KIF14: variants seen among roughly 807,000 people sequenced by gnomAD.
KIF14 encodes kinesin family member 14.
A neutral mutation model predicts 176.2 loss-of-function variants in KIF14; 98 were observed. That is an observed-to-expected ratio of 0.56 (90% CI 0.47 to 0.66). The LOEUF (loss-of-function observed/expected upper bound fraction) is 0.66, where lower values mean the gene tolerates loss of function less well. Among genes scored for constraint, KIF14 ranks in the 30% least tolerant of loss-of-function variants. The pLI, the probability that KIF14 is intolerant of heterozygous loss-of-function variation, is 0.00. For missense variants in KIF14, 1,751 were observed against 1,920.4 expected (o/e 0.91, Z 1.65); for synonymous variants, 566 against 632.2 (o/e 0.90, Z 1.57).
At chr1:200,567,449 G>T (rs1657526865) in intron 23 of KIF14, among the ~76,000 whole-genome samples, 1 of 150,432 alleles carries the variant, frequency 6.6e-6, no homozygotes, top group Admixed American at 6.7e-5. Context: ...GGAGGTTGAG[G>T]CAGGAGAATG....
rs1300094733 is a variant in KIF14 at position 200,581,211 on chromosome 1, C to T, written c.3325G>A (p.Val1109Ile). ...AISSKLKTYYVFGRHDISDKS... is the reference protein window; with the variant it reads ...AISSKLKTYYIFGRHDISDKS... The stretch of plus-strand genomic sequence containing the variant: ...TAATTAATTACTCACCTGCCAAAAA[C>T]ATAGTATGTTTTCAATTTGCTGCTG... The change falls in exon 20 of 30, where the codon GTT becomes ATT. Residue 1109 changes from valine (V) to isoleucine (I), a missense_variant. Val to Ile is a conservative substitution (Grantham distance 29, BLOSUM62 3). Transcript: ENST00000367350. The T allele has an allele frequency of 6.4e-7, 1 of 1,554,950 alleles. No individual in the cohort carries two copies.
intron 17 of KIF14, among the ~76,000 whole-genome samples, chr1:200,589,877 TC>T (rs1444480129): frequency 6.6e-6 from 1 of 151,986 alleles, no homozygotes; most frequent in Admixed American, 6.6e-5. Flanking sequence ...GGTCTTGAAC[TC>T]CTGGGCTCAA....
Position 200,565,081 on chromosome 1 carries a change from C to T in KIF14, c.4059G>A (p.Gln1353=). Residue 1353 remains glutamine, a synonymous_variant, in exon 25 of 30, where the codon CAG becomes CAA. Transcript: ENST00000367350. The part of the protein sequence containing the change: ...QEVKKLGGYL[Q]LFLQGCCLDI... ...CAAATCAATTTACCTGCAAAAATAACTGTAAGTAGCCTCCCAGTTTTTTAA... is the reference window on the plus strand; with the variant it reads ...CAAATCAATTTACCTGCAAAAATAATTGTAAGTAGCCTCCCAGTTTTTTAA... The T allele has an allele frequency of 6.2e-7, 1 of 1,606,640 alleles. No individual in the cohort carries two copies. Among genetic ancestry groups the T allele is most frequent in the East Asian group, 2.2e-5 (1 of 44,814 alleles).
chr1:200,610,572 A>C (rs1339001183), intron 4 of KIF14, among the ~76,000 whole-genome samples: 1 of 152,026 alleles, frequency 6.6e-6, no homozygotes, highest in Admixed American at 6.6e-5. Flanking sequence ...TTTCTTCTTA[A>C]CTTCTGCATA....
At chr1:200,607,016 C>T (rs990984497) in intron 5 of KIF14, among the ~76,000 whole-genome samples, 3 of 147,316 alleles carry the variant, frequency 2.0e-5, no homozygotes, top group African/African-American at 7.6e-5. Flanking sequence ...CAATATGCAA[C>T]AATATATTGT....
chr1:200,581,760 C>CTTTTTTTTTTTTTTTTT (rs1558064089), intron 19 of KIF14, among the ~76,000 whole-genome samples: 1 of 102,406 alleles, frequency 9.8e-6, no homozygotes, highest in Non-Finnish European at 1.9e-5. Flanking sequence ...ATTTCACTTT[C>CTTTTTTTTTTTTTTTTT]CTTTTTTTTT....
At chr1:200,576,504 G>A (rs914737745) in intron 21 of KIF14, among the ~76,000 whole-genome samples, 3 of 150,352 alleles carry the variant, frequency 2.0e-5, no homozygotes, top group African/African-American at 7.3e-5. Context: ...AAAGTAGGAG[G>A]TAAGTTAAAC....
chr1:200,589,199 G>T lies in KIF14; in HGVS notation c.3114+18C>A. ...CTTTTTCTCAGAATAGAGTTAACTG[G>T]TTACACAATAAAATTACCTGTTTTG... On this transcript the variant is annotated intron_variant, in intron 18 of 29. Coordinates refer to ENST00000367350, the MANE Select transcript of KIF14 (RefSeq NM_014875.3). 1 of 1,581,186 alleles carries T rather than the reference G, an allele frequency of 6.3e-7. No individual in the cohort carries two copies.
Position 200,590,195 on chromosome 1 carries a change from A to C in KIF14, c.2891T>G (p.Met964Arg). The C allele has an allele frequency of 1.2e-6, 2 of 1,613,750 alleles. No individual in the cohort carries two copies. The highest frequency in any genetic ancestry group is 1.7e-6 in the Non-Finnish European group (2 of 1,179,912). The change falls in exon 17 of 30, where the codon ATG becomes AGG. Residue 964 changes from methionine to arginine, a missense_variant. Met to Arg is a moderately conservative substitution (Grantham distance 91, BLOSUM62 -1). Coordinates refer to ENST00000367350, the MANE Select transcript of KIF14 (RefSeq NM_014875.3). ...TTGAGAAGAAAGCTCTTGCTGAGCC[A>C]TTTCTTTTGCAATCTGGATTCCTTG... is the stretch of plus-strand genomic sequence containing the variant. The part of the protein sequence containing the change: ...MMQGIQIAKE[M>R]AQQELSSQKA...
At chr1:200,573,427 CTT>C (rs869174532) in intron 22 of KIF14, among the ~76,000 whole-genome samples, 10 of 77,746 alleles carry the variant, frequency 1.3e-4, no homozygotes, top group African/African-American at 1.7e-4. Flanking sequence ...GAGCTCATTT[CTT>C]TTTTTTTTTT....
Position 200,617,886 on chromosome 1 carries a change from T to C in KIF14, c.838A>G (p.Lys280Glu). The change falls in exon 2 of 30, where the codon AAA becomes GAA. Residue 280 changes from lysine to glutamate, a missense_variant. Lys to Glu is a moderately conservative substitution (Grantham distance 56). Transcript: ENST00000367350. ...FGSLEKRTPT[K>E]CTTEHKLTTK... Reference sequence around the variant, plus strand: ...GTCAGTTTGTGTTCTGTTGTACATTTTGTAGGTGTTCTTTTTTCTAAGCTC... The same window carrying C: ...GTCAGTTTGTGTTCTGTTGTACATTCTGTAGGTGTTCTTTTTTCTAAGCTC... 1.9e-6 allele frequency: 3 copies of C among 1,614,156 alleles called. No homozygotes were observed. Among genetic ancestry groups the C allele is most frequent in the Non-Finnish European group, 2.5e-6 (3 of 1,180,028 alleles).
rs964466790 is a variant in KIF14 at position 200,589,462 on chromosome 1, T to C, written c.2962-93A>G. ...CTTTAACCAATGTACAAGAAATTAC[T>C]CACTAATAGAAAAGTTGCCCTATTA... On this transcript the variant is annotated intron_variant, in intron 17 of 29. Transcript: ENST00000367350. 1.8e-5 allele frequency: 19 copies of C among 1,051,574 alleles called. No individual in the cohort carries two copies. In the African/African-American group the frequency reaches 2.6e-4, roughly 14 times the overall value. The allele number at this position is 1,051,574 out of a possible 1,614,324, so 65.1% of individuals were successfully genotyped here.
At chr1:200,601,741 T>C (rs200413374) in intron 11 of KIF14, among the ~76,000 whole-genome samples, 155 bp downstream of exon 11, 2 of 152,180 alleles carry the variant, frequency 1.3e-5, no homozygotes, top group East Asian at 3.8e-4. Flanking sequence ...CTTCTACCTA[T>C]CATCCTCCAT....
In KIF14 at chr1:200,592,215, T is replaced by G; in HGVS notation, c.2678A>C (p.Asp893Ala). ...TGGATGATTAAATCTAAAATAATGA[T>G]CTCCACCAAGAATCACTCGATCACC... ...RHGDRVILGGDHYFRFNHPVE... is the reference protein window; with the variant it reads ...RHGDRVILGGAHYFRFNHPVE... Residue 893 changes from aspartate (D) to alanine (A), a missense_variant, in exon 16 of 30, where the codon GAT (aspartate) becomes GCT (alanine). By Grantham distance (126) the Asp-to-Ala change is moderately radical (BLOSUM62 -2). Coordinates refer to ENST00000367350, the MANE Select transcript of KIF14 (RefSeq NM_014875.3). 1 of 1,613,280 alleles carries G rather than the reference T, an allele frequency of 6.2e-7. No individual in the cohort carries two copies. The highest frequency in any genetic ancestry group is 8.5e-7 in the Non-Finnish European group (1 of 1,179,776).
intron 11 of KIF14, among the ~76,000 whole-genome samples, chr1:200,600,890 A>ATATT (rs1028440370): frequency 1.2e-4 from 18 of 152,080 alleles, no homozygotes; most frequent in African/African-American, 2.9e-4. Context: ...GGAATTCAGA[A>ATATT]TATTTATTTA....
Position 200,592,197 on chromosome 1 carries a change from T to G in KIF14, c.2696A>C (p.Asn899Thr), listed in dbSNP as rs1451140403. The G allele has an allele frequency of 1.9e-6, 3 of 1,613,660 alleles. No individual in the cohort carries two copies. The African/African-American group carries it at 4.0e-5, about 22-fold the overall frequency. ...ILGGDHYFRF[N>T]HPVEVQKGKR... is the part of the protein sequence containing the mutation. ...TCCTTTCTGGACTTCTACTGGATGATTAAATCTAAAATAATGATCTCCACC... is the reference window on the plus strand; with the variant it reads ...TCCTTTCTGGACTTCTACTGGATGAGTAAATCTAAAATAATGATCTCCACC... Residue 899 changes from asparagine (N) to threonine (T), a missense_variant, in exon 16 of 30, where the codon AAT (asparagine) becomes ACT (threonine). Transcript: ENST00000367350.
chr1:200,603,417 C>T (rs985298575), intron 9 of KIF14, 76 bp from the exon 10 acceptor site: 9 of 731,124 alleles, frequency 1.2e-5, no homozygotes, highest in African/African-American at 7.1e-5. Context: ...ATATATTTCT[C>T]CCCTCATATA....
In KIF14 at chr1:200,615,484, C is replaced by T; in HGVS notation, c.1238G>A (p.Cys413Tyr). The T allele has an allele frequency of 6.2e-7, 1 of 1,614,126 alleles. No homozygotes were observed. Residue 413 changes from cysteine (C) to tyrosine (Y), a missense_variant, in exon 3 of 30, where the codon TGT (cysteine) becomes TAT (tyrosine). Coordinates refer to ENST00000367350, the MANE Select transcript of KIF14 (RefSeq NM_014875.3). ...YDVSFWSFDE[C>Y]HPHYASQTTV... is the part of the protein sequence containing the mutation. ...TGTCTGGCTAGCGTAGTGAGGATGA[C>T]ATTCATCAAAAGACCAGAATGAAAC... is the stretch of plus-strand genomic sequence containing the variant.
rs778810976 is a variant in KIF14 at position 200,618,695 on chromosome 1, T to A, written c.29A>T (p.Asn10Ile). Residue 10 changes from asparagine (N) to isoleucine (I), a missense_variant, in exon 2 of 30, where the codon AAT becomes ATT. Physicochemically the swap from Asn to Ile is moderately radical, Grantham distance 149. Transcript: ENST00000367350. ...AATATCAAGAATATCACCGCTGTTA[T>A]TTCTATTATGAGTACTGTGTAATGA... is the stretch of plus-strand genomic sequence containing the variant. MSLHSTHNRNNSGDILDIPS... is the reference protein window; with the variant it reads MSLHSTHNRINSGDILDIPS... The A allele has an allele frequency of 1.8e-5, 29 of 1,610,440 alleles. No homozygotes were observed. Among genetic ancestry groups the A allele is most frequent in the Admixed American group, 5.0e-5 (3 of 59,992 alleles).
Sources: allele counts gnomAD v4.1 joint callset (sites outside exome capture counted in the v4.1 genomes callset), GRCh38; gene constraint gnomAD v4.1.1; transcripts MANE v1.5; gene names NCBI Gene and HGNC (gene_info 2026-07-23, HGNC 2026-07-21).